Variants in TBCD observed in about 807,000 individuals in gnomAD.
TBCD encodes tubulin folding cofactor D, also known as tubulin-specific chaperone D.
A neutral mutation model predicts 169.3 loss-of-function variants in TBCD; 105 were observed. The ratio of observed to expected loss-of-function variants is 0.62; its 90% CI spans 0.53 to 0.73. TBCD has a LOEUF of 0.73. TBCD is among the 30% of genes least tolerant of loss of function. TBCD has a pLI of 0.00. For synonymous variants in TBCD, 700 were observed against 643.9 expected (o/e 1.09, Z -1.32); for missense variants, 1,444 against 1,600.1 (o/e 0.90, Z 1.66).
At position 82,832,089 on chromosome 17, in the gene TBCD, G is replaced by A; in HGVS notation, c.1318+17155G>A. On this transcript the variant is annotated intron_variant, in intron 13 of 38. Coordinates refer to ENST00000355528, the MANE Select transcript of TBCD (RefSeq NM_005993.5). This position sits in a 1 kb window ranked among gnomAD's most constrained non-coding sequence, Gnocchi z 4.9. ...CTGGCTTCTGTCCCAGGCACCTGTGGGTTCCCCGGGCTTGCAGCTCCAGGT... is the reference window on the plus strand; with the variant it reads ...CTGGCTTCTGTCCCAGGCACCTGTGAGTTCCCCGGGCTTGCAGCTCCAGGT... 1 of 1,614,188 alleles carries A rather than the reference G, an allele frequency of 6.2e-7. No homozygotes were observed. The highest frequency in any genetic ancestry group is 1.1e-5 in the South Asian group (1 of 91,090).
At chr17:82,939,315 G>GGGTGGGGC in intron 36 of TBCD, 52 bp from the exon 37 acceptor site, 1 of 1,459,916 alleles carries the variant, frequency 6.8e-7, no homozygotes, top group Non-Finnish European at 9.4e-7. Context: ...CGTCTCTCCG[G>GGGTGGGGC]GGTGGGGCGG....
chr17:82,878,308 T>G (rs937927665), intron 14 of TBCD, among the ~76,000 whole-genome samples: 2 of 152,206 alleles, frequency 1.3e-5, no homozygotes, highest in African/African-American at 4.8e-5. Flanking sequence ...ATTCACCCCT[T>G]TAGGGTCCAC....
intron 30 of TBCD, 97 bp downstream of exon 30, chr17:82,928,085 C>A: frequency 9.5e-7 from 1 of 1,047,324 alleles, no homozygotes; most frequent in Middle Eastern, 2.1e-4. Context: ...GTGGCATTTG[C>A]ACTGCTGGGC....
intron 13 of TBCD, among the ~76,000 whole-genome samples, chr17:82,846,308 G>A (rs1371805511): frequency 1.4e-3 from 196 of 143,906 alleles, no homozygotes; most frequent in African/African-American, 5.0e-3. Flanking sequence ...CCCTCCACGT[G>A]CTGCGTCCAG....
intron 13 of TBCD, among the ~76,000 whole-genome samples, chr17:82,851,257 G>GAA (rs10691889): frequency 0.97 from 147,938 of 152,270 alleles, 72,027 homozygotes; most frequent in East Asian, 1. Flanking sequence ...AGTCTCAGGA[G>GAA]GTTTTAAAAT....
chr17:82,872,289 A>T (rs2057629665), intron 14 of TBCD, among the ~76,000 whole-genome samples: 1 of 151,964 alleles, frequency 6.6e-6, no homozygotes, highest in South Asian at 2.1e-4. Flanking sequence ...TGTTATGGAG[A>T]GTGTGGCTTA....
In TBCD at chr17:82,858,699, T is replaced by A. The variant is rs1011683660; in HGVS notation, c.1319-11525T>A. On this transcript the variant is annotated intron_variant, in intron 13 of 38. Coordinates refer to ENST00000355528, the MANE Select transcript of TBCD (RefSeq NM_005993.5). ...TTCCTGTGTTTTCCTTGTACTTACCTTCATATTTTCTGACCCTCCTGTGGA... is the reference window on the plus strand; with the variant it reads ...TTCCTGTGTTTTCCTTGTACTTACCATCATATTTTCTGACCCTCCTGTGGA... The A allele has an allele frequency of 1.5e-5, 15 of 970,508 alleles. No homozygotes were observed. In the Admixed American group the frequency reaches 1.8e-4, roughly 12 times the overall value. The allele number at this position is 970,508 out of a possible 1,614,324, so 60.1% of individuals were successfully genotyped here. A position where few individuals can be genotyped will look rare whatever the true frequency, so the allele number is the denominator to read the frequency against.
Position 82,781,731 on chromosome 17 carries a change from G to T in TBCD, c.771+10G>T, listed in dbSNP as rs779655811. 6.2e-7 allele frequency: 1 copy of T among 1,613,052 alleles called. No individual in the cohort carries two copies. The highest frequency in any genetic ancestry group is 1.1e-5 in the South Asian group (1 of 91,062). ...GACGCTGCAGGCCCTGGTAAGTGCT[G>T]CCCGCAGGGGCTGTGGAGATCGCAG... On this transcript the variant is annotated intron_variant, in intron 7 of 38. Coordinates refer to ENST00000355528, the MANE Select transcript of TBCD (RefSeq NM_005993.5).
At chr17:82,796,793 A>G (rs2050139628) in intron 7 of TBCD, among the ~76,000 whole-genome samples, 1 of 152,184 alleles carries the variant, frequency 6.6e-6, no homozygotes, top group African/African-American at 2.4e-5. Context: ...TCTATTCTAC[A>G]CTTAAGTAAG....
At chr17:82,818,795 G>A (rs1479677871) in intron 13 of TBCD, among the ~76,000 whole-genome samples, 2 of 152,078 alleles carry the variant, frequency 1.3e-5, no homozygotes, top group South Asian at 2.1e-4. Flanking sequence ...GGCTGGGCAC[G>A]GCGGCTCATG....
intron 22 of TBCD, among the ~76,000 whole-genome samples, chr17:82,909,889 G>T (rs2060507276): frequency 6.6e-6 from 1 of 152,218 alleles, no homozygotes; most frequent in African/African-American, 2.4e-5. Flanking sequence ...AGCCCAGGCA[G>T]CCTGTCTGCT....
At chr17:82,775,912 A>C (rs983336835) in intron 6 of TBCD, among the ~76,000 whole-genome samples, 15 of 151,940 alleles carry the variant, frequency 9.9e-5, no homozygotes, top group South Asian at 2.1e-4. Context: ...TTAAAAAAAA[A>C]CCCCTTTAAT....
At chr17:82,844,999 T>A (rs556221973) in intron 13 of TBCD, among the ~76,000 whole-genome samples, 30 of 150,370 alleles carry the variant, frequency 2.0e-4, no homozygotes, top group Non-Finnish European at 3.4e-4. Context: ...AGGTGGGGGG[T>A]GCTTCCCTGG....
chr17:82,907,704 A>C (rs762024956), intron 20 of TBCD, 57 bp from the exon 21 acceptor site: 20 of 1,596,214 alleles, frequency 1.3e-5, no homozygotes, highest in Non-Finnish European at 1.5e-5. Flanking sequence ...CTCCGAGTGT[A>C]CTCGGGGTTA....
At position 82,945,755 on chromosome 17, in the gene TBCD, A is replaced by C. The variant is rs1255837064; in HGVS notation, c.*3292A>C. 6.6e-6 allele frequency: 1 copy of C among 152,064 alleles called. No individual in the cohort carries two copies. Among genetic ancestry groups the C allele is most frequent in the Non-Finnish European group, 1.5e-5 (1 of 68,030 alleles). The allele number at this position is 152,064 out of a possible 1,614,324, so 9.4% of individuals were successfully genotyped here. On this transcript the variant is annotated 3_prime_UTR_variant, in exon 39 of 39. Coordinates refer to ENST00000355528, the MANE Select transcript of TBCD (RefSeq NM_005993.5). ...CTACCCAGCTGTGACAAAAAGAAAA[A>C]AAAATGTCTCCAGACACTGCCAAAT...
At position 82,832,589 on chromosome 17, in the gene TBCD, T is replaced by C; in HGVS notation, c.1318+17655T>C. On this transcript the variant is annotated intron_variant, in intron 13 of 38. Transcript: ENST00000355528. The surrounding 1 kb of genome is among the most constrained non-coding windows in gnomAD (Gnocchi z 4.9). ...GATCACTTCTATCAGAAGCCAGCTC[T>C]GCGTGCTGAGGGTCTGGCGAGAGCC... 2.5e-6 allele frequency: 2 copies of C among 800,954 alleles called. No homozygotes were observed. The highest frequency in any genetic ancestry group is 3.0e-5 in the South Asian group (2 of 67,780). 49.6% of individuals were successfully genotyped at this position (800,954 alleles called of 1,614,324 possible). A position where few individuals can be genotyped will look rare whatever the true frequency, so the allele number is the denominator to read the frequency against.
chr17:82,804,820 G>C (rs921725760), intron 9 of TBCD, among the ~76,000 whole-genome samples: 1 of 152,230 alleles, frequency 6.6e-6, no homozygotes, highest in Admixed American at 6.5e-5. Context: ...GGTGGGGGTC[G>C]TGGGCTGTCT....
intron 14 of TBCD, among the ~76,000 whole-genome samples, chr17:82,883,131 C>T (rs1379689042): frequency 6.6e-6 from 1 of 152,270 alleles, no homozygotes; most frequent in Admixed American, 6.5e-5. Context: ...TCCCCGGCGT[C>T]CTTCATGTTG....
rs538880973 is a variant in TBCD, at chr17:82,923,627, G to A, written c.2179-25G>A. Reference sequence around the variant, plus strand: ...GCTTCTCCGAGCAGAGCTGCTGTGCGCTCACCGTGCTGCCTTTGTTTTAGG... The same window carrying A: ...GCTTCTCCGAGCAGAGCTGCTGTGCACTCACCGTGCTGCCTTTGTTTTAGG... On this transcript the variant is annotated intron_variant, in intron 25 of 38. Coordinates refer to ENST00000355528, the MANE Select transcript of TBCD (RefSeq NM_005993.5). This position sits in a 1 kb window ranked among gnomAD's most constrained non-coding sequence, Gnocchi z 4.6. 2.8e-5 allele frequency: 43 copies of A among 1,549,246 alleles called. No homozygotes were observed. In the Middle Eastern group the frequency reaches 7.0e-4, roughly 25 times the overall value.
Sources: allele counts gnomAD v4.1 joint callset (sites outside exome capture counted in the v4.1 genomes callset), GRCh38; gene constraint gnomAD v4.1.1; non-coding constraint Gnocchi (gnomAD v3.1); transcripts MANE v1.5; gene names NCBI Gene and HGNC (gene_info 2026-07-23, HGNC 2026-07-21).